ACACB: variants seen among roughly 807,000 people sequenced by gnomAD.
The protein encoded by ACACB is acetyl-CoA carboxylase beta.
In ACACB, 209 loss-of-function variants were observed where a neutral mutation model predicts 278.8. That is an observed-to-expected ratio of 0.75 (90% confidence interval 0.67 to 0.84). ACACB has a LOEUF of 0.84. Ranked by LOEUF, ACACB falls within the 40% of genes least tolerant of loss-of-function variation. The probability of loss-of-function intolerance (pLI) is 0.00; values close to 1 mark genes in which losing one functional copy is unlikely to be tolerated. For missense variants in ACACB, 2,850 were observed against 3,269.0 expected, an observed-to-expected ratio of 0.87 and a Z score of 3.13; for synonymous variants, 1,174 against 1,285.6, an observed-to-expected ratio of 0.91 and a Z score of 1.86.
intron 40 of ACACB, 128 bp from the exon 41 acceptor site, chr12:109,249,856 G>A: frequency 1.6e-6 from 2 of 1,250,490 alleles, no homozygotes; most frequent in African/African-American, 3.1e-5. Flanking sequence ...ATTTCATTTT[G>A]CCTCTGGATG....
rs150649856 is a variant in ACACB, at chr12:109,163,810, C to T, written c.654-3051C>T. ...GATTACAGATGCACACCACCATGCC[C>T]GGCTAATTTTTGTATTTTTAGTAGA... On this transcript the variant is annotated intron_variant, in intron 2 of 52. Coordinates refer to ENST00000338432, the MANE Select transcript of ACACB (RefSeq NM_001093.4). 2.8e-3 allele frequency among the ~76,000 whole-genome samples: 419 copies of T among 152,050 alleles called. 22 individuals are homozygous for T. In the East Asian group the frequency reaches 0.077, roughly 28 times the overall value.
intron 18 of ACACB, among the ~76,000 whole-genome samples, chr12:109,200,188 C>CTT (rs1248366011): frequency 3.2e-4 from 48 of 151,790 alleles, no homozygotes; most frequent in African/African-American, 9.7e-4. Context: ...TCCTTGATTT[C>CTT]TTTATTTTTT....
rs543616558 is a variant in ACACB, at chr12:109,169,892, A to G, written c.925+1858A>G. On this transcript the variant is annotated intron_variant, in intron 4 of 52. Coordinates refer to ENST00000338432, the MANE Select transcript of ACACB (RefSeq NM_001093.4). Reference sequence around the variant, plus strand: ...GCCGACACTTCTGTGTTTGATAAACATAGGAGGCAGGCAGGCCGGAAGGAG... The same window carrying G: ...GCCGACACTTCTGTGTTTGATAAACGTAGGAGGCAGGCAGGCCGGAAGGAG... Among the ~76,000 whole-genome samples the G allele has an allele frequency of 6.2e-4, 94 of 152,314 alleles. 1 individual carries two copies. The highest frequency in any genetic ancestry group is 6.6e-4 in the Non-Finnish European group (45 of 68,026).
intron 35 of ACACB, among the ~76,000 whole-genome samples, chr12:109,240,468 G>A (rs2046762655): frequency 6.6e-6 from 1 of 151,430 alleles, no homozygotes; most frequent in South Asian, 2.1e-4. Flanking sequence ...ACAAGCCTGG[G>A]CAACATGGAG....
rs1216217057 is a variant in ACACB at position 109,167,621 on chromosome 12, GTATATATATA to G, written c.787-251_787-242del. Among the ~76,000 whole-genome samples the G allele has an allele frequency of 3.2e-3, 245 of 77,522 alleles. 11 individuals carry two copies. The East Asian group carries it at 0.039, about 12-fold the overall frequency. 50.9% of individuals were successfully genotyped at this position (77,522 alleles called of 152,430 possible). ...CTCAAAAAAAAAAATATATGTATGT[GTATATATATA>G]TATATATATATATATATATATATTT... On this transcript the variant is annotated intron_variant, in intron 3 of 52. Transcript: ENST00000338432.
intron 1 of ACACB, among the ~76,000 whole-genome samples, chr12:109,126,966 T>C (rs1642033): frequency 0.083 from 12,614 of 152,076 alleles, 836 homozygotes; most frequent in African/African-American, 0.18. Flanking sequence ...GATGGAATGG[T>C]TTGGGATTTG....
chr12:109,148,399 G>A (rs754734187), intron 2 of ACACB, among the ~76,000 whole-genome samples: 5 of 152,118 alleles, frequency 3.3e-5, no homozygotes, highest in South Asian at 4.1e-4. Flanking sequence ...CTTGTACCCC[G>A]ACTTAGTATG....
In ACACB at chr12:109,237,311, A is replaced by G. The variant is rs760881766; in HGVS notation, c.4593A>G (p.Glu1531=). The change falls in exon 34 of 53, where the codon GAA becomes GAG. Residue 1531 remains glutamate, a synonymous_variant. Coordinates refer to ENST00000338432, the MANE Select transcript of ACACB (RefSeq NM_001093.4). ...ACCTGGGTGCTGCCAAGGTGAAGGA[A>G]GGTGTGGAAGTGACGGACCATAGGT... ...HLYLGAAKVK[E]GVEVTDHRFF... The G allele has an allele frequency of 2.4e-5, 38 of 1,614,086 alleles. No individual in the cohort carries two copies. Among genetic ancestry groups the G allele is most frequent in the Non-Finnish European group, 1.7e-6 (2 of 1,180,046 alleles).
Position 109,237,357 on chromosome 12 carries a change from A to T in ACACB, c.4639A>T (p.Arg1547Trp). 1.2e-6 allele frequency: 2 copies of T among 1,614,148 alleles called. No homozygotes were observed. Among genetic ancestry groups the T allele is most frequent in the Non-Finnish European group, 1.7e-6 (2 of 1,180,018 alleles). The part of the protein sequence containing the change: ...DHRFFIRAII[R>W]HSDLITKEAS... ...TAGGTTCTTCATCCGCGCCATCATC[A>T]GGCACTCTGACCTGATCACAAAGGT... Residue 1547 changes from arginine (R) to tryptophan (W), a missense_variant, in exon 34 of 53, where the codon AGG becomes TGG. Transcript: ENST00000338432.
Position 109,216,869 on chromosome 12 carries a change from C to T in ACACB, c.3513C>T (p.Ile1171=), listed in dbSNP as rs1318964150. The change falls in exon 24 of 53, where the codon ATC becomes ATT. Residue 1171 remains isoleucine (I), a synonymous_variant. Transcript: ENST00000338432. ...ACATGTCCCAGGTGCTGGACTGCAT[C>T]TTCTCCCACGCACAGGTGGCCAAGA... is the stretch of plus-strand genomic sequence containing the variant. The part of the protein sequence containing the change: ...KPDMSQVLDC[I]FSHAQVAKKN... The T allele has an allele frequency of 6.2e-7, 1 of 1,614,008 alleles. No individual in the cohort carries two copies. The highest frequency in any genetic ancestry group is 8.5e-7 in the Non-Finnish European group (1 of 1,180,052).
chr12:109,245,249 C>T (rs1451872591), intron 37 of ACACB, among the ~76,000 whole-genome samples: 1 of 151,328 alleles, frequency 6.6e-6, no homozygotes, highest in Non-Finnish European at 1.5e-5. Context: ...CAGTGCAAAA[C>T]GATATTGTAT....
At chr12:109,144,400 G>T (rs2430683) in intron 2 of ACACB, among the ~76,000 whole-genome samples, 130,454 of 152,134 alleles carry the variant, frequency 0.86, 56,532 homozygotes, top group Middle Eastern at 0.92. Flanking sequence ...TTTGGGATCC[G>T]TGGTAGCCTG....
intron 28 of ACACB, among the ~76,000 whole-genome samples, chr12:109,228,728 C>T (rs977726783): frequency 2.0e-5 from 3 of 151,508 alleles, no homozygotes; most frequent in African/African-American, 7.3e-5. Context: ...TATTATTTGA[C>T]AGTGGAGTTC....
chr12:109,210,175 GTA>G lies in ACACB; in HGVS notation c.3249+829_3249+830del, dbSNP rs1354736854. On this transcript the variant is annotated intron_variant, in intron 21 of 52. Coordinates refer to ENST00000338432, the MANE Select transcript of ACACB (RefSeq NM_001093.4). ...TACACACGTGTGTATATGTATATAT[GTA>G]TATATACACACGTGTGTATATGTAT... is the stretch of plus-strand genomic sequence containing the variant. Among the ~76,000 whole-genome samples, 315 of 63,086 alleles carry G rather than the reference GTA, an allele frequency of 5.0e-3. 65 individuals carry two copies. The highest frequency in any genetic ancestry group is 0.022 in the African/African-American group (298 of 13,702). 41.4% of individuals were successfully genotyped at this position (63,086 alleles called of 152,430 possible).
chr12:109,210,285 ATCTG>A (rs2045755535), intron 21 of ACACB, among the ~76,000 whole-genome samples: 1 of 21,162 alleles, frequency 4.7e-5, no homozygotes, highest in African/African-American at 1.2e-4. Flanking sequence ...ACACACACAT[ATCTG>A]TGTGTATATG....
chr12:109,263,930 T>C (rs2136861246), intron 49 of ACACB: 1 of 296,664 alleles, frequency 3.4e-6, no homozygotes. Context: ...GCATGTTGAA[T>C]GCTGTCTTGC....
chr12:109,112,222 AAT>A (rs1365870033), upstream of ACACB, among the ~76,000 whole-genome samples: 2 of 149,070 alleles, frequency 1.3e-5, no homozygotes, highest in African/African-American at 4.9e-5. Flanking sequence ...ACGTATATTG[AAT>A]ATATATGTAT....
Position 109,198,104 on chromosome 12 carries a change from C to T in ACACB, c.2627+951C>T, listed in dbSNP as rs965483845. Among the ~76,000 whole-genome samples the T allele has an allele frequency of 7.9e-5, 12 of 151,942 alleles. No homozygotes were observed. The East Asian group carries it at 2.2e-3, about 27-fold the overall frequency. ...GTAGAGACGGGGTTTTGCCATGTTG[C>T]TCAGGCTGGTCTTGAACTTCTGGAC... On this transcript the variant is annotated intron_variant, in intron 17 of 52. Coordinates refer to ENST00000338432, the MANE Select transcript of ACACB (RefSeq NM_001093.4).
intron 6 of ACACB, among the ~76,000 whole-genome samples, 155 bp downstream of exon 6, chr12:109,172,511 G>A (rs562324283): frequency 5.9e-5 from 9 of 152,268 alleles, no homozygotes; most frequent in African/African-American, 2.2e-4. Context: ...GTCCCAGGGT[G>A]GAAGGGCACA....
Sources: gnomAD v4.1 joint callset for allele counts (sites outside exome capture counted in the v4.1 genomes callset) on GRCh38, gnomAD v4.1.1 for gene constraint, MANE v1.5 for transcripts, NCBI Gene and HGNC (gene_info 2026-07-23, HGNC 2026-07-21) for gene names.